The following PATZ1 variants were observed in gnomAD, a reference collection of about 807,000 sequenced individuals.
PATZ1 encodes the protein POZ/BTB and AT hook containing zinc finger 1, also known as POZ-, AT hook-, and zinc finger-containing protein 1.
In PATZ1, 9 loss-of-function variants were observed where a neutral mutation model predicts 46.2. The ratio of observed to expected loss-of-function variants is 0.19; its 90% CI spans 0.12 to 0.34. The LOEUF (loss-of-function observed/expected upper bound fraction) is 0.34. PATZ1 is among the 10% of genes least tolerant of loss of function. PATZ1 has a pLI of 1.00. For synonymous variants in PATZ1, 426 were observed against 378.6 expected (o/e 1.13, Z -1.45); for missense variants, 632 against 923.0 (o/e 0.68, Z 4.08).
At chr22:31,343,184 T>G in intron 1 of PATZ1, 1 of 1,285,180 alleles carries the variant, frequency 7.8e-7, no homozygotes, top group Non-Finnish European at 9.9e-7. Flanking sequence ...AAATGGGCAT[T>G]TGTCTCTGAT....
At position 31,344,256 on chromosome 22, in the gene PATZ1, C is replaced by A. The variant is rs762710439; in HGVS notation, c.1271+76G>T. 21 of 1,345,668 alleles carry A rather than the reference C, an allele frequency of 1.6e-5. No homozygotes were observed. In the Admixed American group the frequency reaches 1.7e-4, roughly 11 times the overall value. 83.4% of individuals were successfully genotyped at this position (1,345,668 alleles called of 1,614,324 possible). A position where few individuals can be genotyped will look rare whatever the true frequency, so the allele number is the denominator to read the frequency against. ...TCAAATGACCCCCACAAATCCCACA[C>A]CCCCAGATCTTGGCAGGAGCCTTTT... On this transcript the variant is annotated intron_variant, in intron 1 of 4. Coordinates refer to ENST00000266269, the MANE Select transcript of PATZ1 (RefSeq NM_014323.3).
intron 2 of PATZ1, among the ~76,000 whole-genome samples, chr22:31,336,394 G>A (rs913623824): frequency 1.3e-5 from 2 of 152,194 alleles, no homozygotes; most frequent in Non-Finnish European, 2.9e-5. Flanking sequence ...AGGACAAAGT[G>A]CAGAGATAAT....
chr22:31,344,898 C>G lies in PATZ1; in HGVS notation c.705G>C (p.Leu235Phe). The change falls in exon 1 of 5, where the codon TTG becomes TTC. Residue 235 changes from leucine to phenylalanine, a missense_variant. Transcript: ENST00000266269. ...SLPVLPGVDR[L>F]PMVAGPLSPQ... ...GGGATAGGGGTCCAGCCACCATGGG[C>G]AAGCGGTCCACCCCAGGTAACACAG... 1 of 1,613,310 alleles carries G rather than the reference C, an allele frequency of 6.2e-7. No individual in the cohort carries two copies. Among genetic ancestry groups the G allele is most frequent in the Non-Finnish European group, 8.5e-7 (1 of 1,180,004 alleles).
intron 3 of PATZ1, among the ~76,000 whole-genome samples, chr22:31,331,562 C>T (rs568544822): frequency 3.3e-5 from 5 of 152,040 alleles, no homozygotes; most frequent in Non-Finnish European, 5.9e-5. Flanking sequence ...AGGATGGTCT[C>T]GGATCTCCTG....
intron 3 of PATZ1, among the ~76,000 whole-genome samples, chr22:31,330,509 G>A (rs915507827): frequency 6.6e-6 from 1 of 151,042 alleles, no homozygotes; most frequent in Non-Finnish European, 1.5e-5. Context: ...AAAAAAAAAA[G>A]AGGCTTGGTG....
intron 2 of PATZ1, chr22:31,337,977 T>C (rs1157060954): frequency 6.6e-6 from 1 of 152,246 alleles, no homozygotes; most frequent in African/African-American, 2.4e-5. Context: ...TACCTAGCTC[T>C]TCTGTCATTG....
intron 3 of PATZ1, among the ~76,000 whole-genome samples, chr22:31,329,661 T>C (rs2049412916): frequency 6.6e-6 from 1 of 152,134 alleles, no homozygotes; most frequent in South Asian, 2.1e-4. Context: ...ATGATCTCTG[T>C]CTTTATTTTG....
intron 3 of PATZ1, among the ~76,000 whole-genome samples, chr22:31,331,754 G>T (rs2049446683): frequency 6.6e-6 from 1 of 152,206 alleles, no homozygotes; most frequent in African/African-American, 2.4e-5. Flanking sequence ...AGGAGCGGGA[G>T]AGCACCAGGA....
Position 31,325,870 on chromosome 22 carries a change from G to A in PATZ1, c.*1021C>T, listed in dbSNP as rs1601478923. Reference sequence around the variant, plus strand: ...CAATTCACATCACAAGGTCAACCTGGGCTTGCTCACATGTGACACAACTGA... The same window carrying A: ...CAATTCACATCACAAGGTCAACCTGAGCTTGCTCACATGTGACACAACTGA... On this transcript the variant is annotated 3_prime_UTR_variant, in exon 5 of 5. Transcript: ENST00000266269. The A allele has an allele frequency of 2.9e-5, 6 of 205,670 alleles. 1 individual carries two copies. In the Admixed American group the frequency reaches 3.6e-4, roughly 12 times the overall value. The allele number at this position is 205,670 out of a possible 1,614,324, so 12.7% of individuals were successfully genotyped here.
rs765264739 is a variant in PATZ1, at chr22:31,326,347, T to TGAGCTCA, written c.*537_*543dup. On this transcript the variant is annotated 3_prime_UTR_variant, in exon 5 of 5. Coordinates refer to ENST00000266269, the MANE Select transcript of PATZ1 (RefSeq NM_014323.3). The stretch of plus-strand genomic sequence containing the variant: ...GTCTGGAGCCCTCCAGGCAGAGGGC[T>TGAGCTCA]GAGCTCAGGGGGCTCTTGGAGGACA... The TGAGCTCA allele has an allele frequency of 6.5e-5, 15 of 231,008 alleles. No homozygotes were observed. In the South Asian group the frequency reaches 7.3e-4, roughly 11 times the overall value. The allele number at this position is 231,008 out of a possible 1,614,324, so 14.3% of individuals were successfully genotyped here.
chr22:31,333,499 T>G (rs2057949), intron 3 of PATZ1, among the ~76,000 whole-genome samples: 1 of 131,564 alleles, frequency 7.6e-6, no homozygotes, highest in Non-Finnish European at 1.6e-5. Flanking sequence ...TTTTTTTTTG[T>G]CTCTTCCTAT....
chr22:31,326,944 A>G lies in PATZ1; in HGVS notation c.2011T>C (p.Ser671Pro). Residue 671 changes from serine to proline, a missense_variant, in exon 5 of 5, where the codon TCT (serine) becomes CCT (proline). Ser to Pro is a moderately conservative substitution (Grantham distance 74, BLOSUM62 -1). This residue lies in a region of PATZ1 where 176 missense variants were observed against 249.4 expected (regional missense o/e 0.71). Transcript: ENST00000266269. ...TGGTCAACCTCAGGATCTACTAAAGATGACGCAAATGCCGACTGAACAATC... is the reference window on the plus strand; with the variant it reads ...TGGTCAACCTCAGGATCTACTAAAGGTGACGCAAATGCCGACTGAACAATC... Reference protein sequence around the residue: ...FQIVQSAFASSLVDPEVDQQP... With the variant: ...FQIVQSAFASPLVDPEVDQQP... 6.2e-7 allele frequency: 1 copy of G among 1,614,170 alleles called. No homozygotes were observed. Among genetic ancestry groups the G allele is most frequent in the Non-Finnish European group, 8.5e-7 (1 of 1,180,032 alleles).
chr22:31,335,827 G>A lies in PATZ1; in HGVS notation c.1372C>T (p.Arg458Cys). ...NASFATRDRLRSHLACHEDKV... is the reference protein window; with the variant it reads ...NASFATRDRLCSHLACHEDKV... ...TCTTCATGACAGGCCAGGTGGGAGC[G>A]CAGACGGTCTCGGGTGGCAAAAGAA... The change falls in exon 3 of 5, where the codon CGC (arginine) becomes TGC (cysteine). Residue 458 changes from arginine to cysteine, a missense_variant. Arg to Cys is a radical substitution (Grantham distance 180). Around this residue, in one of 7 missense-constraint regions of PATZ1, gnomAD observed 55 missense variants for 169.0 expected, o/e 0.33. Transcript: ENST00000266269. The A allele has an allele frequency of 1.9e-6, 3 of 1,614,006 alleles. No homozygotes were observed. The highest frequency in any genetic ancestry group is 1.1e-5 in the South Asian group (1 of 91,074).
intron 1 of PATZ1, chr22:31,343,320 A>T: frequency 1.9e-6 from 2 of 1,028,550 alleles, no homozygotes; most frequent in Non-Finnish European, 2.3e-6. Context: ...TATGTGATTC[A>T]TTGTCCAGAC....
In PATZ1 at chr22:31,344,838, T is replaced by C. The variant is rs1382502022; in HGVS notation, c.765A>G (p.Ala255=). The C allele has an allele frequency of 1.9e-6, 3 of 1,612,400 alleles. No homozygotes were observed. The highest frequency in any genetic ancestry group is 1.7e-6 in the Non-Finnish European group (2 of 1,179,688). The stretch of plus-strand genomic sequence containing the variant: ...TGCCAGTCAGGGGAGGGGCACTGGA[T>C]GCCACACTGGGGAATGGGGAAGTCA... ...QLLTSPFPSV[A]SSAPPLTGKR... Residue 255 remains alanine, a synonymous_variant, in exon 1 of 5, where the codon GCA becomes GCG. Transcript: ENST00000266269.
chr22:31,326,694 G>T lies in PATZ1; in HGVS notation c.*197C>A. On this transcript the variant is annotated 3_prime_UTR_variant, in exon 5 of 5. Coordinates refer to ENST00000266269, the MANE Select transcript of PATZ1 (RefSeq NM_014323.3). ...ACCAAGTCTCATTGATATTTCTGCA[G>T]AATATCAGATGAAAATCTATTTCTA... 1.7e-6 allele frequency: 1 copy of T among 579,202 alleles called. No individual in the cohort carries two copies. The highest frequency in any genetic ancestry group is 2.9e-5 in the East Asian group (1 of 34,444). 35.9% of individuals were successfully genotyped at this position (579,202 alleles called of 1,614,324 possible). A position where few individuals can be genotyped will look rare whatever the true frequency, so the allele number is the denominator to read the frequency against.
chr22:31,343,054 T>A (rs1296096040), intron 1 of PATZ1, 94 bp from the exon 2 acceptor site: 26 of 1,546,990 alleles, frequency 1.7e-5, no homozygotes, highest in South Asian at 9.7e-5. Context: ...ACACACACAC[T>A]CACTGCTGGA....
intron 1 of PATZ1, 71 bp downstream of exon 1, chr22:31,344,261 A>G (rs370741318): frequency 2.9e-6 from 4 of 1,380,648 alleles, no homozygotes; most frequent in Non-Finnish European, 4.0e-6. Context: ...CCACACCCCC[A>G]GATCTTGGCA....
chr22:31,340,570 T>G, intron 2 of PATZ1: 49 of 502,488 alleles, frequency 9.8e-5, no homozygotes, highest in South Asian at 1.7e-4. Context: ...AGCAGGTCTG[T>G]GAGAGTGTAT....
Sources: gnomAD v4.1 joint callset for allele counts (sites outside exome capture counted in the v4.1 genomes callset) on GRCh38, gnomAD v4.1.1 for gene constraint, gnomAD v4.1.1 regional missense constraint, MANE v1.5 for transcripts, NCBI Gene and HGNC (gene_info 2026-07-23, HGNC 2026-07-21) for gene names.